RPS6KC1: variants seen among roughly 807,000 people sequenced by gnomAD.
RPS6KC1 encodes inactive ribosomal protein S6 kinase delta-1.
In RPS6KC1, 54 loss-of-function variants were observed where a neutral mutation model predicts 103.8. That is an observed-to-expected ratio of 0.52 (90% CI 0.42 to 0.65). The LOEUF (loss-of-function observed/expected upper bound fraction) is 0.65. Ranked by LOEUF, RPS6KC1 falls within the 30% of genes least tolerant of loss-of-function variation. The pLI, the probability that RPS6KC1 is intolerant of heterozygous loss-of-function variation, is 0.00. For missense variants in RPS6KC1, 1,151 were observed against 1,253.8 expected, an observed-to-expected ratio of 0.92 and a Z score of 1.24; for synonymous variants, 439 against 438.7, an observed-to-expected ratio of 1.00 and a Z score of -0.01.
At chr1:213,160,548 G>C (rs549162799) in intron 6 of RPS6KC1, among the ~76,000 whole-genome samples, 1 of 152,160 alleles carries the variant, frequency 6.6e-6, no homozygotes, top group Non-Finnish European at 1.5e-5. Flanking sequence ...TATTGTTTAA[G>C]TTAGAGAAAG....
the RPS6KC1 span, among the ~76,000 whole-genome samples, chr1:213,426,072 G>A: frequency 6.6e-6 from 1 of 152,048 alleles, no homozygotes; most frequent in African/African-American, 2.4e-5. Context: ...TTTTCCCCAT[G>A]TGGGTGAAGC....
the RPS6KC1 span, among the ~76,000 whole-genome samples, chr1:213,663,879 C>T: frequency 6.6e-6 from 1 of 152,186 alleles, no homozygotes; most frequent in Non-Finnish European, 1.5e-5. Flanking sequence ...CCCACAGCTG[C>T]AGTCCAAGGC....
the RPS6KC1 span, among the ~76,000 whole-genome samples, chr1:213,507,062 G>A: frequency 1.3e-5 from 2 of 152,160 alleles, no homozygotes; most frequent in Admixed American, 6.5e-5. Context: ...TCTGTAAGAT[G>A]TATCTCCCCT....
At chr1:213,555,876 T>C in the RPS6KC1 span, among the ~76,000 whole-genome samples, 2 of 152,378 alleles carry the variant, frequency 1.3e-5, no homozygotes, top group South Asian at 2.1e-4. Flanking sequence ...CCTTCATCTT[T>C]TTCTCTAAGA....
chr1:213,230,668 C>T (rs12161601), intron 9 of RPS6KC1, 124 bp downstream of exon 9: 2 of 506,242 alleles, frequency 4.0e-6, no homozygotes, highest in Non-Finnish European at 6.6e-6. Flanking sequence ...AACCCCGTTT[C>T]TACTAAAAAT....
intron 6 of RPS6KC1, among the ~76,000 whole-genome samples, chr1:213,132,570 A>C (rs2085766024): frequency 6.6e-6 from 1 of 152,166 alleles, no homozygotes; most frequent in African/African-American, 2.4e-5. Flanking sequence ...ATTTCTGGGG[A>C]AACTGGGGGC....
chr1:213,165,137 A>G (rs1370760228), intron 6 of RPS6KC1, among the ~76,000 whole-genome samples: 4 of 152,154 alleles, frequency 2.6e-5, no homozygotes, highest in African/African-American at 9.7e-5. Flanking sequence ...AGGAGCAGAA[A>G]TCTTCAAGAG....
the RPS6KC1 span, among the ~76,000 whole-genome samples, chr1:213,609,521 C>T: frequency 6.6e-6 from 1 of 152,128 alleles, no homozygotes; most frequent in African/African-American, 2.4e-5. Context: ...ACAGCACAAT[C>T]ACCCTCACAA....
the RPS6KC1 span, among the ~76,000 whole-genome samples, chr1:213,571,624 AG>A: frequency 6.6e-6 from 1 of 152,196 alleles, no homozygotes; most frequent in East Asian, 1.9e-4. Flanking sequence ...TCACCAGCTC[AG>A]TCTGGCTAAT....
At chr1:213,631,432 C>T in the RPS6KC1 span, among the ~76,000 whole-genome samples, 1 of 149,302 alleles carries the variant, frequency 6.7e-6, no homozygotes, top group Non-Finnish European at 1.5e-5. Context: ...GTATTGTATT[C>T]TAGTGAGTAG....
intron 2 of RPS6KC1, among the ~76,000 whole-genome samples, chr1:213,075,008 C>A (rs376580523): frequency 3.3e-5 from 5 of 151,876 alleles, no homozygotes; most frequent in African/African-American, 1.2e-4. Flanking sequence ...CCCACCACCA[C>A]GTCCAGCTAA....
At chr1:213,661,015 C>T in the RPS6KC1 span, among the ~76,000 whole-genome samples, 6 of 152,218 alleles carry the variant, frequency 3.9e-5, no homozygotes, top group Middle Eastern at 3.4e-3. Flanking sequence ...ACAGCCTTCC[C>T]GAGTTGTCTA....
intron 5 of RPS6KC1, chr1:213,125,661 T>TGTGTGTGTGTGTG: frequency 6.7e-6 from 1 of 150,342 alleles, no homozygotes; most frequent in African/African-American, 2.4e-5. Context: ...TGTGTGTGTG[T>TGTGTGTGTGTGTG]TTGCTTGCTT....
chr1:213,416,337 G>A, the RPS6KC1 span, among the ~76,000 whole-genome samples: 1 of 152,218 alleles, frequency 6.6e-6, no homozygotes, highest in Non-Finnish European at 1.5e-5. Flanking sequence ...GGGGCTTGGG[G>A]GATGATGGAA....
At chr1:213,492,899 G>A in the RPS6KC1 span, among the ~76,000 whole-genome samples, 1 of 152,214 alleles carries the variant, frequency 6.6e-6, no homozygotes, top group Non-Finnish European at 1.5e-5. Flanking sequence ...TGTGGCAGTT[G>A]GTTAGAGGGC....
At chr1:213,056,167 CACTT>C (rs1322357134) in intron 1 of RPS6KC1, among the ~76,000 whole-genome samples, 10 of 152,142 alleles carry the variant, frequency 6.6e-5, no homozygotes, top group African/African-American at 1.4e-4. Context: ...TAACAGCAAA[CACTT>C]ACATGGTGCT....
intron 12 of RPS6KC1, among the ~76,000 whole-genome samples, chr1:213,261,219 A>G (rs912786624): frequency 6.6e-6 from 1 of 152,216 alleles, no homozygotes; most frequent in Non-Finnish European, 1.5e-5. Flanking sequence ...AAAATCACCC[A>G]TGAGGTAGAA....
chr1:213,817,564 G>T, the RPS6KC1 span, among the ~76,000 whole-genome samples: 1 of 152,138 alleles, frequency 6.6e-6, no homozygotes, highest in Admixed American at 6.5e-5. Context: ...CCTTCAGAGG[G>T]CTCAAAACAG....
intron 1 of RPS6KC1, 151 bp downstream of exon 1, chr1:213,051,660 G>A: frequency 1.6e-6 from 1 of 612,520 alleles, no homozygotes. Context: ...GTCGGAGGTT[G>A]GGATTTTTAG....
Sources: gnomAD v4.1 joint callset for allele counts (sites outside exome capture counted in the v4.1 genomes callset) on GRCh38, gnomAD v4.1.1 for gene constraint, MANE v1.5 for transcripts, NCBI Gene and HGNC (gene_info 2026-07-23, HGNC 2026-07-21) for gene names.